Variants in DPP6 observed in about 807,000 individuals in gnomAD.
DPP6 encodes the protein A-type potassium channel modulatory protein DPP6.
In DPP6, 69 loss-of-function variants were observed where a neutral mutation model predicts 122.6. The ratio of observed to expected loss-of-function variants is 0.56; its 90% confidence interval spans 0.46 to 0.69. The LOEUF (loss-of-function observed/expected upper bound fraction) is 0.69. DPP6 is among the 30% of genes least tolerant of loss of function. The probability of loss-of-function intolerance (pLI) is 0.00; values close to 1 mark genes in which losing one functional copy is unlikely to be tolerated. For synonymous variants in DPP6, 418 were observed against 433.1 expected, an observed-to-expected ratio of 0.97 and a Z score of 0.43; for missense variants, 928 against 1,116.9, an observed-to-expected ratio of 0.83 and a Z score of 2.41.
At chr7:154,386,794 A>T (rs1267066905) in intron 1 of DPP6, among the ~76,000 whole-genome samples, 1 of 152,198 alleles carries the variant, frequency 6.6e-6, no homozygotes, top group East Asian at 1.9e-4. Flanking sequence ...CATTTGTTGG[A>T]GTGTCCACTG....
intron 1 of DPP6, among the ~76,000 whole-genome samples, chr7:154,139,588 C>T (rs1329823536): frequency 6.6e-6 from 1 of 151,770 alleles, no homozygotes; most frequent in Non-Finnish European, 1.5e-5. Context: ...TAAAATTAGC[C>T]ATCGCAGTGG....
At chr7:154,779,072 T>C in intron 10 of DPP6, among the ~76,000 whole-genome samples, 1 of 127,210 alleles carries the variant, frequency 7.9e-6, no homozygotes, top group African/African-American at 3.1e-5. Flanking sequence ...CACCATCACC[T>C]CCATCACCTC....
chr7:154,886,277 G>A (rs566623180), intron 22 of DPP6, among the ~76,000 whole-genome samples: 1 of 152,336 alleles, frequency 6.6e-6, no homozygotes, highest in Admixed American at 6.5e-5. Context: ...CCATGCAAAT[G>A]GCACCTGGTC....
At chr7:154,685,663 A>G (rs919921752) in intron 7 of DPP6, among the ~76,000 whole-genome samples, 1 of 152,234 alleles carries the variant, frequency 6.6e-6, no homozygotes, top group Non-Finnish European at 1.5e-5. Flanking sequence ...GGTGCTGAAT[A>G]TAAAATTGCT....
At chr7:154,671,780 C>A (rs1365716250) in intron 7 of DPP6, among the ~76,000 whole-genome samples, 1 of 152,122 alleles carries the variant, frequency 6.6e-6, no homozygotes, top group East Asian at 1.9e-4. Context: ...CTTGTTTAAC[C>A]TCTTACAGAA....
intron 21 of DPP6, chr7:154,883,622 TCACACA>T (rs138828337): frequency 6.5e-5 from 8 of 122,904 alleles, no homozygotes; most frequent in Non-Finnish European, 1.3e-4. Context: ...ATAAACATGC[TCACACA>T]CACACATGCT....
intron 8 of DPP6, among the ~76,000 whole-genome samples, chr7:154,731,844 T>C (rs909708490): frequency 5.3e-5 from 8 of 152,224 alleles, no homozygotes; most frequent in Non-Finnish European, 1.0e-4. Context: ...TTGAGGCCTG[T>C]GAGTGAGTGT....
chr7:154,497,018 T>A (rs1824800400), intron 3 of DPP6, among the ~76,000 whole-genome samples: 1 of 152,174 alleles, frequency 6.6e-6, no homozygotes, highest in Non-Finnish European at 1.5e-5. Context: ...AGGGACTATT[T>A]CAGCCACTGG....
intron 8 of DPP6, among the ~76,000 whole-genome samples, chr7:154,751,497 C>T (rs894875327): frequency 6.6e-6 from 1 of 150,610 alleles, no homozygotes; most frequent in Non-Finnish European, 1.5e-5. Flanking sequence ...GTTGTCCCCA[C>T]TACTCTAGAG....
the DPP6 span, among the ~76,000 whole-genome samples, chr7:153,756,181 T>C: frequency 2.3e-3 from 352 of 151,932 alleles, no homozygotes; most frequent in African/African-American, 7.7e-3. Context: ...CCTGAGCCTG[T>C]AGTTCTTTCT....
At chr7:153,835,648 T>C in the DPP6 span, among the ~76,000 whole-genome samples, 1 of 152,286 alleles carries the variant, frequency 6.6e-6, no homozygotes, top group South Asian at 2.1e-4. Flanking sequence ...AATAATCACC[T>C]AACACACAGT....
intron 17 of DPP6, among the ~76,000 whole-genome samples, chr7:154,857,994 A>T (rs1270257890): frequency 2.0e-5 from 3 of 152,222 alleles, no homozygotes; most frequent in Non-Finnish European, 4.4e-5. Flanking sequence ...GCGGTTCTGC[A>T]TCGTCAGGAT....
chr7:154,434,671 A>C (rs1818712446), intron 1 of DPP6, among the ~76,000 whole-genome samples: 1 of 152,162 alleles, frequency 6.6e-6, no homozygotes, highest in Admixed American at 6.5e-5. Flanking sequence ...TCTGATCAGC[A>C]AAATAACCCA....
intron 1 of DPP6, among the ~76,000 whole-genome samples, chr7:154,020,099 CACACACACACAA>C (rs1430230545): frequency 9.4e-4 from 139 of 148,046 alleles, no homozygotes; most frequent in Non-Finnish European, 4.5e-5. Flanking sequence ...TCCAGAATTT[CACACACACACAA>C]ACACACACAC....
At chr7:154,441,341 T>TTAG (rs1167507356) in intron 1 of DPP6, among the ~76,000 whole-genome samples, 4 of 152,240 alleles carry the variant, frequency 2.6e-5, no homozygotes. Context: ...AAAACATTAC[T>TTAG]TGGTGGTGAT....
At chr7:154,219,608 T>A (rs1170724818) in intron 1 of DPP6, among the ~76,000 whole-genome samples, 1 of 151,970 alleles carries the variant, frequency 6.6e-6, no homozygotes, top group Non-Finnish European at 1.5e-5. Flanking sequence ...AGACGGAGTC[T>A]CCCACTATCG....
chr7:153,876,680 T>A, the DPP6 span, among the ~76,000 whole-genome samples: 1 of 152,060 alleles, frequency 6.6e-6, no homozygotes, highest in African/African-American at 2.4e-5. Flanking sequence ...AATGACAGGA[T>A]ACTTTATGAA....
At position 154,605,607 on chromosome 7, in the gene DPP6, T is replaced by C. The variant is rs1833562288; in HGVS notation, c.628-32214T>C. Reference sequence around the variant, plus strand: ...GTTTGTCCCTTTTCTGTTTTGATCTTGATCAATTTTTATATAATTTTGCAT... The same window carrying C: ...GTTTGTCCCTTTTCTGTTTTGATCTCGATCAATTTTTATATAATTTTGCAT... On this transcript the variant is annotated intron_variant, in intron 5 of 25. Transcript: ENST00000377770. Among the ~76,000 whole-genome samples, 2 of 120,426 alleles carry C rather than the reference T, an allele frequency of 1.7e-5. 1 individual carries two copies. Among genetic ancestry groups the C allele is most frequent in the South Asian group, 6.7e-4 (2 of 2,986 alleles). 79.0% of individuals were successfully genotyped at this position (120,426 alleles called of 152,430 possible). A position where few individuals can be genotyped will look rare whatever the true frequency, so the allele number is the denominator to read the frequency against.
At chr7:154,776,025 C>T in intron 10 of DPP6, among the ~76,000 whole-genome samples, 1 of 151,992 alleles carries the variant, frequency 6.6e-6, no homozygotes. Context: ...TGGCCTGGCC[C>T]ACCAGCACTG....
Sources: gnomAD v4.1 joint callset for allele counts (sites outside exome capture counted in the v4.1 genomes callset) on GRCh38, gnomAD v4.1.1 for gene constraint, MANE v1.5 for transcripts, NCBI Gene and HGNC (gene_info 2026-07-23, HGNC 2026-07-21) for gene names.